Variants in SCFD2 observed in about 807,000 individuals in gnomAD.
SCFD2 encodes the protein sec1 family domain-containing protein 2.
SCFD2 carries 54 observed loss-of-function variants against 58.9 expected under a neutral mutation model. The ratio of observed to expected loss-of-function variants is 0.92; its 90% CI spans 0.74 to 1.15. The LOEUF is 1.15. Ranked by LOEUF, SCFD2 falls within the 50% of genes most tolerant of loss-of-function variation. The pLI, the probability that SCFD2 is intolerant of heterozygous loss-of-function variation, is 0.00. For synonymous variants in SCFD2, 321 were observed against 335.9 expected (o/e 0.96, Z 0.49); for missense variants, 805 against 836.6 (o/e 0.96, Z 0.47).
At chr4:52,978,734 A>T (rs186666308) in intron 5 of SCFD2, among the ~76,000 whole-genome samples, 3 of 152,178 alleles carry the variant, frequency 2.0e-5, no homozygotes, top group Admixed American at 6.5e-5. Flanking sequence ...CATTGATCTT[A>T]GGTAAAATGT....
rs1173348576 is a variant in SCFD2, at chr4:52,898,776, G to T, written c.1842+8681C>A. ...GGTGTTAAAGTCTCCCACTATTATT[G>T]TGTGGGAGTCTAAGTCTCTTTGTAG... On this transcript the variant is annotated intron_variant, in intron 7 of 8. Coordinates refer to ENST00000401642, the MANE Select transcript of SCFD2 (RefSeq NM_152540.4). 2.0e-5 allele frequency among the ~76,000 whole-genome samples: 3 copies of T among 152,230 alleles called. No individual in the cohort carries two copies. In the East Asian group the frequency reaches 5.8e-4, roughly 29 times the overall value.
intron 5 of SCFD2, among the ~76,000 whole-genome samples, chr4:53,137,970 C>A (rs574369268): frequency 1.3e-5 from 2 of 152,248 alleles, no homozygotes; most frequent in South Asian, 2.1e-4. Context: ...TGGCCAGAGC[C>A]CCCAGGGCTG....
intron 5 of SCFD2, among the ~76,000 whole-genome samples, chr4:53,017,740 C>A (rs932413397): frequency 6.6e-6 from 1 of 152,166 alleles, no homozygotes; most frequent in Non-Finnish European, 1.5e-5. Flanking sequence ...CTAGGCCCTA[C>A]CTGCACTGAG....
intron 8 of SCFD2, among the ~76,000 whole-genome samples, chr4:52,878,699 C>CATA (rs1444880345): frequency 1.3e-5 from 2 of 152,106 alleles, no homozygotes; most frequent in Non-Finnish European, 2.9e-5. Context: ...TTTTAAAAAA[C>CATA]ATAATCATCA....
At chr4:52,946,201 T>C (rs1720421192) in intron 5 of SCFD2, among the ~76,000 whole-genome samples, 1 of 152,172 alleles carries the variant, frequency 6.6e-6, no homozygotes, top group South Asian at 2.1e-4. Flanking sequence ...TTAGTTCTGA[T>C]GGTTTGCCAG....
chr4:52,998,013 T>C (rs760875381), intron 5 of SCFD2, among the ~76,000 whole-genome samples: 1 of 152,210 alleles, frequency 6.6e-6, no homozygotes, highest in Non-Finnish European at 1.5e-5. Flanking sequence ...AATATTGGTA[T>C]AAATGCAAGG....
intron 5 of SCFD2, among the ~76,000 whole-genome samples, chr4:52,986,796 G>T (rs1003332602): frequency 6.6e-6 from 1 of 151,978 alleles, no homozygotes; most frequent in Non-Finnish European, 1.5e-5. Flanking sequence ...ACTGCGCTCG[G>T]CATGGGATTC....
At chr4:53,317,302 C>T (rs1732895560) in intron 2 of SCFD2, among the ~76,000 whole-genome samples, 1 of 152,108 alleles carries the variant, frequency 6.6e-6, no homozygotes, top group Non-Finnish European at 1.5e-5. Context: ...CAAAGTCATA[C>T]TTACTGGTAT....
At chr4:53,259,710 T>A (rs1163692257) in intron 4 of SCFD2, among the ~76,000 whole-genome samples, 1 of 152,174 alleles carries the variant, frequency 6.6e-6, no homozygotes, top group Non-Finnish European at 1.5e-5. Flanking sequence ...GGCTCTTTTT[T>A]GGTTCCATAT....
Position 53,365,252 on chromosome 4 carries a change from T to C in SCFD2, c.690A>G (p.Leu230=), listed in dbSNP as rs755777171. 6.2e-6 allele frequency: 10 copies of C among 1,614,062 alleles called. No individual in the cohort carries two copies. The Admixed American group carries it at 1.3e-4, about 22-fold the overall frequency. Residue 230 remains leucine (L), a synonymous_variant, in exon 1 of 9, where the codon TTA becomes TTG. Coordinates refer to ENST00000401642, the MANE Select transcript of SCFD2 (RefSeq NM_152540.4). The surrounding 1 kb of genome is among the most constrained non-coding windows in gnomAD (Gnocchi z 4.3). ...VSGLSSLCEH[L]GVREECFAVG... is the part of the protein sequence containing the mutation. The stretch of plus-strand genomic sequence containing the variant: ...CAGCAAAACACTCCTCCCGTACTCC[T>C]AAATGTTCACACAGAGAACTGAGGC...
intron 5 of SCFD2, among the ~76,000 whole-genome samples, chr4:53,070,853 T>TA (rs1384834248): frequency 6.6e-6 from 1 of 152,122 alleles, no homozygotes; most frequent in African/African-American, 2.4e-5. Flanking sequence ...TTTCTCTCTA[T>TA]AAAAATATAT....
chr4:53,060,403 G>C (rs1723476286), intron 5 of SCFD2, among the ~76,000 whole-genome samples: 1 of 152,106 alleles, frequency 6.6e-6, no homozygotes, highest in Non-Finnish European at 1.5e-5. Flanking sequence ...CATGTAAATT[G>C]AAACAGAAAT....
Position 53,046,341 on chromosome 4 carries a change from G to A in SCFD2, c.1561+98992C>T, listed in dbSNP as rs143825550. Among the ~76,000 whole-genome samples the A allele has an allele frequency of 5.3e-3, 811 of 152,138 alleles. 10 individuals carry two copies. The highest frequency in any genetic ancestry group is 0.019 in the African/African-American group (781 of 41,514). On this transcript the variant is annotated intron_variant, in intron 5 of 8. Transcript: ENST00000401642. ...CAATCCTCCCCTTTCAGCCCCCCAG[G>A]TAGCTGGGACTACAGGTGCGTGCCA...
At chr4:53,040,606 A>G (rs749117122) in intron 5 of SCFD2, among the ~76,000 whole-genome samples, 1 of 152,138 alleles carries the variant, frequency 6.6e-6, no homozygotes, top group Non-Finnish European at 1.5e-5. Context: ...TTGTCTAAAA[A>G]TTTCCGAGGA....
intron 5 of SCFD2, among the ~76,000 whole-genome samples, chr4:52,999,807 C>T (rs1721826417): frequency 6.6e-6 from 1 of 152,204 alleles, no homozygotes; most frequent in South Asian, 2.1e-4. Context: ...CATCACGGTT[C>T]AAGGTCAGGC....
At chr4:52,898,912 C>CTTCT (rs1719100867) in intron 7 of SCFD2, among the ~76,000 whole-genome samples, 2 of 151,328 alleles carry the variant, frequency 1.3e-5, no homozygotes, top group Non-Finnish European at 1.5e-5. Flanking sequence ...ATGTAATGGC[C>CTTCT]TTGTCTCTTT....
chr4:53,307,696 A>G (rs1732560238), intron 3 of SCFD2, among the ~76,000 whole-genome samples: 1 of 152,218 alleles, frequency 6.6e-6, no homozygotes, highest in African/African-American at 2.4e-5. Flanking sequence ...TTACAAATGT[A>G]GGGACTTAAA....
rs1189601963 is a variant in SCFD2 at position 53,177,937 on chromosome 4, T to C, written c.1312-32355A>G. Among the ~76,000 whole-genome samples the C allele has an allele frequency of 2.6e-5, 4 of 152,236 alleles. No homozygotes were observed. In the South Asian group the frequency reaches 8.3e-4, roughly 32 times the overall value. ...AGCAGTCTGAGATCAAACTGCAAGG[T>C]GGCAGCAAGGCTGGGGGAGGGGCGC... On this transcript the variant is annotated intron_variant, in intron 4 of 8. Transcript: ENST00000401642.
At chr4:52,889,874 A>G (rs1356523695) in intron 7 of SCFD2, among the ~76,000 whole-genome samples, 1 of 152,184 alleles carries the variant, frequency 6.6e-6, no homozygotes, top group African/African-American at 2.4e-5. Context: ...GATTTTCCAT[A>G]TCAGTAAGAA....
Sources: gnomAD v4.1 joint callset for allele counts (sites outside exome capture counted in the v4.1 genomes callset) on GRCh38, gnomAD v4.1.1 for gene constraint, Gnocchi (gnomAD v3.1) non-coding constraint, MANE v1.5 for transcripts, NCBI Gene and HGNC (gene_info 2026-07-23, HGNC 2026-07-21) for gene names.